The following ZNF75A variants were observed in gnomAD, a reference collection of about 807,000 sequenced individuals.
ZNF75A encodes zinc finger protein 75A.
A neutral mutation model predicts 46.3 loss-of-function variants in ZNF75A; 36 were observed. The ratio of observed to expected loss-of-function variants is 0.78; its 90% CI spans 0.60 to 1.03. The LOEUF is 1.03. Among genes scored for constraint, ZNF75A ranks in the 50% least tolerant of loss-of-function variants. The pLI is 0.00. For missense variants in ZNF75A, 595 were observed against 551.3 expected, an observed-to-expected ratio of 1.08 and a Z score of -0.79; for synonymous variants, 234 against 189.9, an observed-to-expected ratio of 1.23 and a Z score of -1.91.
downstream of ZNF75A, among the ~76,000 whole-genome samples, chr16:3,319,560 A>G (rs1041888826): frequency 2.6e-5 from 4 of 152,188 alleles, no homozygotes; most frequent in African/African-American, 9.6e-5. Context: ...ACATTCATTC[A>G]TTCTGTTCAA....
At chr16:3,315,192 T>G (rs941708477) in intron 5 of ZNF75A, 36 of 600,876 alleles carry the variant, frequency 6.0e-5, no homozygotes, top group East Asian at 2.8e-4. Flanking sequence ...TGTCATGTTT[T>G]TTTTTTTTTT....
chr16:3,309,965 C>T (rs894359424), intron 2 of ZNF75A, among the ~76,000 whole-genome samples: 6 of 151,686 alleles, frequency 4.0e-5, no homozygotes, highest in Admixed American at 1.3e-4. Context: ...GCTGATGGCA[C>T]ATGCCTCTAG....
rs1050547283 is a variant in ZNF75A, at chr16:3,308,827, A to C, written c.399A>C (p.Thr133=). The change falls in exon 2 of 7, where the codon ACA becomes ACC. Residue 133 remains threonine, a synonymous_variant. Coordinates refer to ENST00000669516, the MANE Select transcript of ZNF75A (RefSeq NM_001302109.2). ...ACTTGCAGAGGGAATCTGGTCAAAC[A>C]TGGAATGGGGTGAGAAGAAAGATTC... ...VEHLQRESGQ[T]WNGVAVHELG... is the part of the protein sequence containing the mutation. 1.1e-5 allele frequency: 11 copies of C among 985,794 alleles called. No homozygotes were observed. The African/African-American group carries it at 1.9e-4, about 17-fold the overall frequency. 61.1% of individuals were successfully genotyped at this position (985,794 alleles called of 1,614,324 possible).
intron 5 of ZNF75A, 148 bp from the exon 6 acceptor site, chr16:3,316,764 C>T (rs539219760): frequency 2.2e-4 from 134 of 596,020 alleles, no homozygotes; most frequent in Non-Finnish European, 3.1e-4. Context: ...ATAGTATAAA[C>T]GTGATACTTA....
At chr16:3,311,060 A>C in intron 2 of ZNF75A, 1 of 605,608 alleles carries the variant, frequency 1.7e-6, no homozygotes, top group Non-Finnish European at 2.1e-6. Context: ...ATTTATTTGA[A>C]TTTTAGAGAA....
Position 3,317,475 on chromosome 16 carries a change from G to T in ZNF75A, c.1220G>T (p.Cys407Phe), listed in dbSNP as rs751704590. 6.2e-7 allele frequency: 1 copy of T among 1,613,948 alleles called. No individual in the cohort carries two copies. Among genetic ancestry groups the T allele is most frequent in the Non-Finnish European group, 8.5e-7 (1 of 1,179,998 alleles). ...AREKPFKCQE[C>F]GKTFRVSSDL... is the part of the protein sequence containing the mutation. Reference sequence around the variant, plus strand: ...GAGAAGCCTTTTAAATGTCAGGAATGTGGGAAAACCTTCAGAGTTAGCTCT... The same window carrying T: ...GAGAAGCCTTTTAAATGTCAGGAATTTGGGAAAACCTTCAGAGTTAGCTCT... Residue 407 changes from cysteine (C) to phenylalanine (F), a missense_variant, in exon 7 of 7, where the codon TGT (cysteine) becomes TTT (phenylalanine). Cys to Phe is a radical substitution (Grantham distance 205). Coordinates refer to ENST00000669516, the MANE Select transcript of ZNF75A (RefSeq NM_001302109.2).
At chr16:3,312,385 T>C (rs1201045755) in intron 3 of ZNF75A, 1 of 152,234 alleles carries the variant, frequency 6.6e-6, no homozygotes, top group Non-Finnish European at 1.5e-5. Context: ...CCCTGAGTAC[T>C]TCATTTTAAG....
At position 3,316,932 on chromosome 16, in the gene ZNF75A, C is replaced by A. The variant is rs1452728650; in HGVS notation, c.844C>A (p.Pro282Thr). The change falls in exon 6 of 7, where the codon CCT becomes ACT. Residue 282 changes from proline (P) to threonine (T), a missense_variant. Transcript: ENST00000669516. ...ISLALFVLPKPKVISCLEQGE... is the reference protein window; with the variant it reads ...ISLALFVLPKTKVISCLEQGE... ...GACAGCATTGTTTGTGCTCCCCAAA[C>A]CTAAAGTGATCTCCTGTCTAGAGCA... The A allele has an allele frequency of 2.5e-6, 4 of 1,613,398 alleles. No individual in the cohort carries two copies. The highest frequency in any genetic ancestry group is 1.7e-6 in the Non-Finnish European group (2 of 1,179,700).
chr16:3,315,797 C>T (rs1961163866), intron 5 of ZNF75A, among the ~76,000 whole-genome samples: 1 of 152,174 alleles, frequency 6.6e-6, no homozygotes, highest in African/African-American at 2.4e-5. Context: ...TGGTTACTTC[C>T]TAACCATATT....
downstream of ZNF75A, among the ~76,000 whole-genome samples, chr16:3,319,707 C>G (rs752125194): frequency 6.6e-6 from 1 of 152,048 alleles, no homozygotes; most frequent in Non-Finnish European, 1.5e-5. Flanking sequence ...CTTTCCTGCT[C>G]CTTGCTCTAA....
intron 2 of ZNF75A, among the ~76,000 whole-genome samples, chr16:3,309,972 C>G (rs74464613): frequency 0.057 from 8,615 of 151,652 alleles, 830 homozygotes; most frequent in African/African-American, 0.2. Flanking sequence ...GCACATGCCT[C>G]TAGTCCCAGC....
At chr16:3,322,701 A>G (rs569847197), downstream of ZNF75A, among the ~76,000 whole-genome samples, 3 of 152,286 alleles carry the variant, frequency 2.0e-5, no homozygotes, top group East Asian at 5.8e-4. Context: ...TTTTAGGAGA[A>G]ACTAAGAAAG....
At chr16:3,314,496 G>T (rs1961049084) in intron 5 of ZNF75A, among the ~76,000 whole-genome samples, 1 of 152,190 alleles carries the variant, frequency 6.6e-6, no homozygotes, top group Admixed American at 6.5e-5. Flanking sequence ...TGTGCCCTGA[G>T]GCATGTTAGC....
chr16:3,315,260 C>G (rs1243360770), intron 5 of ZNF75A: 1 of 198,968 alleles, frequency 5.0e-6, no homozygotes, highest in African/African-American at 2.5e-5. Context: ...GGTGCGATCT[C>G]AGCTCAGTGC....
At chr16:3,322,016 C>T (rs1199344110), downstream of ZNF75A, among the ~76,000 whole-genome samples, 1 of 152,120 alleles carries the variant, frequency 6.6e-6, no homozygotes, top group East Asian at 1.9e-4. Flanking sequence ...AGCATTTACT[C>T]CAGCATTTCC....
intron 2 of ZNF75A, chr16:3,310,704 A>G (rs906447668): frequency 6.1e-6 from 6 of 985,488 alleles, no homozygotes; most frequent in African/African-American, 1.7e-5. Flanking sequence ...AAGGGAAACA[A>G]AGATTTGGAA....
chr16:3,314,417 C>T (rs145634749), intron 5 of ZNF75A, among the ~76,000 whole-genome samples: 62 of 152,306 alleles, frequency 4.1e-4, no homozygotes, highest in Non-Finnish European at 1.8e-4. Flanking sequence ...TGCTTTCCAG[C>T]AGTGTAGGGC....
Position 3,318,509 on chromosome 16 carries a change from A to G in ZNF75A, c.*640A>G, listed in dbSNP as rs1961394877. The G allele has an allele frequency of 6.1e-6, 6 of 985,436 alleles. No homozygotes were observed. The South Asian group carries it at 2.8e-4, about 46-fold the overall frequency. The allele number at this position is 985,436 out of a possible 1,614,324, so 61.0% of individuals were successfully genotyped here. ...GGAATCATGGGGGAAACGGGTTGGA[A>G]TTTGTAGCCATGGAATATATATTAG... is the stretch of plus-strand genomic sequence containing the variant. On this transcript the variant is annotated 3_prime_UTR_variant, in exon 7 of 7. Transcript: ENST00000669516.
At chr16:3,307,505 T>C (rs1333011191) in intron 1 of ZNF75A, 2 of 152,266 alleles carry the variant, frequency 1.3e-5, no homozygotes, top group Middle Eastern at 3.4e-3. Flanking sequence ...TGTTGTTTTT[T>C]AAGGTGCCTT....
Sources: gnomAD v4.1 joint callset for allele counts (sites outside exome capture counted in the v4.1 genomes callset) on GRCh38, gnomAD v4.1.1 for gene constraint, MANE v1.5 for transcripts, NCBI Gene and HGNC (gene_info 2026-07-23, HGNC 2026-07-21) for gene names.